Variants in TFB1M observed in about 807,000 individuals in gnomAD.
The protein encoded by TFB1M is dimethyladenosine transferase 1, mitochondrial.
In TFB1M, 27 loss-of-function variants were observed where a neutral mutation model predicts 31.1. That is an observed-to-expected ratio of 0.87 (90% CI 0.64 to 1.20). The LOEUF is 1.20. TFB1M is among the 50% of genes most tolerant of loss of function. The pLI is 0.00. For missense variants in TFB1M, 394 were observed against 418.7 expected (o/e 0.94, Z 0.51); for synonymous variants, 166 against 151.8 (o/e 1.09, Z -0.69).
intron 5 of TFB1M, among the ~76,000 whole-genome samples, chr6:155,274,925 T>G (rs1279347679): frequency 6.6e-6 from 1 of 152,220 alleles, no homozygotes. Context: ...TCATTAAAAA[T>G]AAAATCATTT....
intron 5 of TFB1M, among the ~76,000 whole-genome samples, chr6:155,278,866 T>C (rs965415728): frequency 1.3e-5 from 2 of 152,146 alleles, no homozygotes; most frequent in Non-Finnish European, 2.9e-5. Flanking sequence ...CAGAAAGCAG[T>C]TGGTGCACAG....
the TFB1M span, chr6:155,250,713 T>C: frequency 1.0e-5 from 13 of 1,267,148 alleles, no homozygotes; most frequent in Non-Finnish European, 1.4e-5. Flanking sequence ...TTCACCTTTA[T>C]GTTATTCATC....
chr6:155,290,196 C>A (rs1489784244), intron 4 of TFB1M, among the ~76,000 whole-genome samples: 2 of 151,822 alleles, frequency 1.3e-5, no homozygotes, highest in Non-Finnish European at 2.9e-5. Context: ...ACCATCCTGG[C>A]TAACATGGTG....
chr6:155,264,167 G>A (rs1045697539), intron 5 of TFB1M: 4 of 152,158 alleles, frequency 2.6e-5, no homozygotes, highest in African/African-American at 7.2e-5. Flanking sequence ...GGAGCAAGAT[G>A]AGTGCCTCCG....
intron 5 of TFB1M, among the ~76,000 whole-genome samples, chr6:155,271,117 T>G (rs1254307277): frequency 6.6e-6 from 1 of 152,210 alleles, no homozygotes; most frequent in East Asian, 1.9e-4. Context: ...AAACATGTGT[T>G]TGTTTATTTA....
the TFB1M span, chr6:155,250,672 C>T: frequency 1.3e-6 from 2 of 1,497,080 alleles, no homozygotes; most frequent in East Asian, 2.5e-5. Context: ...GCATGTCTCA[C>T]CTACATGTGC....
chr6:155,266,198 T>A lies in TFB1M; in HGVS notation c.667-5798A>T, dbSNP rs188226598. Among the ~76,000 whole-genome samples the A allele has an allele frequency of 3.4e-4, 51 of 152,192 alleles. 2 individuals are homozygous for A. The highest frequency in any genetic ancestry group is 8.2e-4 in the African/African-American group (34 of 41,474). ...GTGTTAACCATCACAACATTTTTTT[T>A]AAAATTCAGAACCCCAACTTTTCAT... On this transcript the variant is annotated intron_variant, in intron 5 of 6. Transcript: ENST00000367166.
the TFB1M span, chr6:155,248,131 C>A: frequency 6.2e-7 from 1 of 1,614,162 alleles, no homozygotes; most frequent in Non-Finnish European, 8.5e-7. Context: ...GCTCAAGGAG[C>A]TGGTGTCCCT....
chr6:155,304,807 A>T (rs1777595745), intron 2 of TFB1M, among the ~76,000 whole-genome samples: 1 of 152,060 alleles, frequency 6.6e-6, no homozygotes, highest in Non-Finnish European at 1.5e-5. Flanking sequence ...GGCAAAAATG[A>T]AGGCTTTTTC....
chr6:155,289,396 G>C (rs2114753558), intron 4 of TFB1M, among the ~76,000 whole-genome samples: 1 of 152,250 alleles, frequency 6.6e-6, no homozygotes, highest in African/African-American at 2.4e-5. Flanking sequence ...CCTTCTGGAA[G>C]GCATTAAACC....
At chr6:155,237,566 A>G in the TFB1M span, among the ~76,000 whole-genome samples, 3 of 152,226 alleles carry the variant, frequency 2.0e-5, no homozygotes, top group African/African-American at 7.2e-5. Flanking sequence ...CCCTGCAGCA[A>G]ACTTCTGCCT....
chr6:155,248,080 C>T, the TFB1M span: 12 of 1,614,120 alleles, frequency 7.4e-6, no homozygotes, highest in South Asian at 2.2e-5. Flanking sequence ...GGAGTCCTAC[C>T]TCATCAAGCC....
rs1026827214 is a variant in TFB1M, at chr6:155,290,632, T to C, written c.547-5355A>G. Among the ~76,000 whole-genome samples, 4 of 152,138 alleles carry C rather than the reference T, an allele frequency of 2.6e-5. No homozygotes were observed. The East Asian group carries it at 7.7e-4, about 29-fold the overall frequency. On this transcript the variant is annotated intron_variant, in intron 4 of 6. Transcript: ENST00000367166. ...TATGGTGAAGTCGAAGCAACACTAT[T>C]ATTAATAACCACAACTGACATGCTG...
chr6:155,288,943 G>A (rs911569161), intron 4 of TFB1M, among the ~76,000 whole-genome samples: 1 of 152,020 alleles, frequency 6.6e-6, no homozygotes, highest in Non-Finnish European at 1.5e-5. Flanking sequence ...AGCAACAAAA[G>A]GTCAGGAAAC....
At chr6:155,254,409 C>A (rs372799385), downstream of TFB1M, 27 of 1,610,304 alleles carry the variant, frequency 1.7e-5, no homozygotes, top group Middle Eastern at 1.6e-4. Flanking sequence ...TTCTCTCCCC[C>A]CCCACCCAGT....
At chr6:155,284,565 C>T (rs1228232850) in intron 5 of TFB1M, among the ~76,000 whole-genome samples, 2 of 152,126 alleles carry the variant, frequency 1.3e-5, no homozygotes, top group Non-Finnish European at 2.9e-5. Flanking sequence ...TAATAACTCA[C>T]CAAGCAGTGG....
At chr6:155,252,886 C>T (rs1783753828), downstream of TFB1M, 1 of 1,440,584 alleles carries the variant, frequency 6.9e-7, no homozygotes. Flanking sequence ...ATTCACTGTG[C>T]ACACATCCTC....
chr6:155,279,688 A>G (rs936439699), intron 5 of TFB1M, among the ~76,000 whole-genome samples: 3 of 152,194 alleles, frequency 2.0e-5, no homozygotes, highest in African/African-American at 7.2e-5. Flanking sequence ...TCACATTATT[A>G]TCATTATCTC....
chr6:155,265,124 G>A (rs1351219479), intron 5 of TFB1M, among the ~76,000 whole-genome samples: 4 of 152,178 alleles, frequency 2.6e-5, no homozygotes, highest in East Asian at 1.9e-4. Flanking sequence ...TTCCTGTCCC[G>A]GGCTGTGCTC....
Sources: gnomAD v4.1 joint callset for allele counts (sites outside exome capture counted in the v4.1 genomes callset) on GRCh38, gnomAD v4.1.1 for gene constraint, MANE v1.5 for transcripts, NCBI Gene and HGNC (gene_info 2026-07-23, HGNC 2026-07-21) for gene names.